PLOD2: variants seen among roughly 807,000 people sequenced by gnomAD.
PLOD2 encodes lysine hydroxylase 2.
In PLOD2, 65 loss-of-function variants were observed where a neutral mutation model predicts 101.0. The observed-to-expected ratio is 0.64, with a 90% CI of 0.53 to 0.79. The LOEUF is 0.79. Among genes scored for constraint, PLOD2 ranks in the 30% least tolerant of loss-of-function variants. The probability of loss-of-function intolerance (pLI) is 0.00; values close to 1 mark genes in which losing one functional copy is unlikely to be tolerated. For missense variants in PLOD2, 909 were observed against 914.6 expected, an observed-to-expected ratio of 0.99 and a Z score of 0.08; for synonymous variants, 314 against 302.9, an observed-to-expected ratio of 1.04 and a Z score of -0.38.
At chr3:146,137,394 T>G (rs553819036) in intron 1 of PLOD2, among the ~76,000 whole-genome samples, 1 of 152,226 alleles carries the variant, frequency 6.6e-6, no homozygotes, top group Admixed American at 6.5e-5. Context: ...CTACAGGTGC[T>G]CACCACCAAA....
rs1236184056 is a variant in PLOD2 at position 146,096,238 on chromosome 3, A to AT, written c.778-4338_778-4337insA. On this transcript the variant is annotated intron_variant, in intron 7 of 19. Coordinates refer to ENST00000282903, the MANE Select transcript of PLOD2 (RefSeq NM_182943.3). Reference sequence around the variant, plus strand: ...CAGTGGCGTGATCTCGGCTCGCTACAACCACCTCCCAGCTGCCTGCCTTGG... The same window carrying AT: ...CAGTGGCGTGATCTCGGCTCGCTACATACCACCTCCCAGCTGCCTGCCTTGG... 2.5e-5 allele frequency among the ~76,000 whole-genome samples: 3 copies of AT among 118,564 alleles called. No homozygotes were observed. The Admixed American group carries it at 2.5e-4, about 10-fold the overall frequency. 77.8% of individuals were successfully genotyped at this position (118,564 alleles called of 152,430 possible). A position where few individuals can be genotyped will look rare whatever the true frequency, so the allele number is the denominator to read the frequency against.
At chr3:146,112,487 G>A (rs1937684249) in intron 3 of PLOD2, among the ~76,000 whole-genome samples, 1 of 151,946 alleles carries the variant, frequency 6.6e-6, no homozygotes, top group East Asian at 1.9e-4. Flanking sequence ...ATCACACAGT[G>A]GAGTTTGTCG....
chr3:146,104,911 T>C (rs1443184876), intron 5 of PLOD2: 1 of 152,334 alleles, frequency 6.6e-6, no homozygotes, highest in Non-Finnish European at 1.5e-5. Flanking sequence ...AACTATTTGG[T>C]AAGACTTCTA....
At position 146,077,883 on chromosome 3, in the gene PLOD2, G is replaced by A; in HGVS notation, c.1542C>T (p.Phe514=). ...ACACCTTTGGGGGGCTGAGCATTTGGAATGTTTCCGGAGTAGGGGAGTCTT... is the reference window on the plus strand; with the variant it reads ...ACACCTTTGGGGGGCTGAGCATTTGAAATGTTTCCGGAGTAGGGGAGTCTT... ...REKDSPTPET[F]QMLSPPKGVF... The change falls in exon 14 of 20, where the codon TTC becomes TTT. Residue 514 remains phenylalanine, a synonymous_variant. Transcript: ENST00000282903. The A allele has an allele frequency of 4.4e-6, 7 of 1,597,858 alleles. No homozygotes were observed. The highest frequency in any genetic ancestry group is 5.1e-6 in the Non-Finnish European group (6 of 1,166,750).
intron 1 of PLOD2, 42 bp from the exon 2 acceptor site, chr3:146,124,271 T>C: frequency 1.9e-6 from 2 of 1,076,816 alleles, no homozygotes; most frequent in East Asian, 2.4e-5. Context: ...TACCAAGATA[T>C]CAAATGCTCA....
At chr3:146,156,575 G>A (rs2032309831) in intron 1 of PLOD2, among the ~76,000 whole-genome samples, 1 of 152,232 alleles carries the variant, frequency 6.6e-6, no homozygotes, top group African/African-American at 2.4e-5. Context: ...AACACAGGTA[G>A]CTGTTTGGGG....
chr3:146,134,913 C>T (rs2031140735), intron 1 of PLOD2, among the ~76,000 whole-genome samples: 1 of 151,880 alleles, frequency 6.6e-6, no homozygotes, highest in Non-Finnish European at 1.5e-5. Flanking sequence ...ACAAGTCTGC[C>T]GAAATTAAAG....
chr3:146,080,675 C>G (rs1936506973), intron 12 of PLOD2, among the ~76,000 whole-genome samples: 1 of 151,984 alleles, frequency 6.6e-6, no homozygotes, highest in Non-Finnish European at 1.5e-5. Context: ...CAACTTGAAA[C>G]AAATTTTCCA....
At chr3:146,115,702 T>G (rs1937876728) in intron 3 of PLOD2, among the ~76,000 whole-genome samples, 1 of 152,202 alleles carries the variant, frequency 6.6e-6, no homozygotes, top group African/African-American at 2.4e-5. Context: ...AAAATGATTC[T>G]GTGCCAGTTC....
chr3:146,078,641 A>T (rs981898227), intron 13 of PLOD2, among the ~76,000 whole-genome samples: 1 of 151,866 alleles, frequency 6.6e-6, no homozygotes, highest in African/African-American at 2.4e-5. Context: ...GGTGGTAATA[A>T]TCCTGCTTTC....
chr3:146,135,731 T>C (rs1467785305), intron 1 of PLOD2, among the ~76,000 whole-genome samples: 1 of 152,108 alleles, frequency 6.6e-6, no homozygotes, highest in East Asian at 1.9e-4. Flanking sequence ...CTCATACACG[T>C]GCATACTCTC....
chr3:146,118,526 G>T (rs1331671897), intron 3 of PLOD2, among the ~76,000 whole-genome samples: 1 of 151,760 alleles, frequency 6.6e-6, no homozygotes, highest in Non-Finnish European at 1.5e-5. Flanking sequence ...TTCAAATTGA[G>T]AAAAAATATG....
At chr3:146,157,723 T>TA (rs1346564250) in intron 1 of PLOD2, among the ~76,000 whole-genome samples, 1 of 152,234 alleles carries the variant, frequency 6.6e-6, no homozygotes, top group African/African-American at 2.4e-5. Context: ...AGTAGTTTTA[T>TA]ATGTCTGTTG....
At chr3:146,152,443 G>A (rs2032103600) in intron 1 of PLOD2, among the ~76,000 whole-genome samples, 1 of 152,068 alleles carries the variant, frequency 6.6e-6, no homozygotes, top group African/African-American at 2.4e-5. Context: ...TCTATCTAGT[G>A]AAGAAAATTA....
chr3:146,091,943 T>C, intron 7 of PLOD2, 42 bp from the exon 8 acceptor site: 1 of 1,020,006 alleles, frequency 9.8e-7, no homozygotes, highest in Non-Finnish European at 1.6e-6. Flanking sequence ...AGCAGGCCTC[T>C]CATCGGTGTG....
At chr3:146,090,764 G>A (rs575082248) in intron 8 of PLOD2, among the ~76,000 whole-genome samples, 2 of 151,924 alleles carry the variant, frequency 1.3e-5, no homozygotes, top group South Asian at 4.1e-4. Flanking sequence ...TCAGGAGCTT[G>A]AACATATTAC....
chr3:146,099,796 CACAG>C (rs1416715868), intron 7 of PLOD2, among the ~76,000 whole-genome samples: 4 of 151,760 alleles, frequency 2.6e-5, no homozygotes, highest in Non-Finnish European at 5.9e-5. Flanking sequence ...CTGACAGTAT[CACAG>C]ACAGCTAAAA....
intron 10 of PLOD2, 139 bp downstream of exon 10, chr3:146,086,648 C>CTA (rs1166827127): frequency 1.9e-6 from 1 of 537,110 alleles, no homozygotes; most frequent in Admixed American, 3.4e-5. Context: ...TAGACACAGT[C>CTA]TAAGTTGGCT....
chr3:146,125,706 G>C (rs143164143), intron 1 of PLOD2, among the ~76,000 whole-genome samples: 6 of 151,972 alleles, frequency 3.9e-5, no homozygotes, highest in Admixed American at 2.0e-4. Context: ...AAGATCACAC[G>C]GCTGCACTCC....
Sources: allele counts gnomAD v4.1 joint callset (sites outside exome capture counted in the v4.1 genomes callset), GRCh38; gene constraint gnomAD v4.1.1; transcripts MANE v1.5; gene names NCBI Gene and HGNC (gene_info 2026-07-23, HGNC 2026-07-21).